Variants in ACTR3C observed in about 807,000 individuals in gnomAD.
ACTR3C encodes the protein actin related protein 3C, also known as actin-related protein 3C.
In ACTR3C, 18 loss-of-function variants were observed where a neutral mutation model predicts 26.3. That is an observed-to-expected ratio of 0.68 (90% CI 0.47 to 1.01). The LOEUF (loss-of-function observed/expected upper bound fraction) is 1.01. Among genes scored for constraint, ACTR3C ranks in the 50% least tolerant of loss-of-function variants. ACTR3C has a pLI of 0.00. For synonymous variants in ACTR3C, 55 were observed against 94.5 expected, an observed-to-expected ratio of 0.58 and a Z score of 2.42; for missense variants, 184 against 250.7, an observed-to-expected ratio of 0.73 and a Z score of 1.80.
At chr7:150,032,222 G>A in the ACTR3C span, among the ~76,000 whole-genome samples, 43 of 152,368 alleles carry the variant, frequency 2.8e-4, no homozygotes, top group African/African-American at 1.0e-3. Context: ...CCCATTTAGG[G>A]AGTTGAGACA....
At chr7:150,020,484 G>T in the ACTR3C span, among the ~76,000 whole-genome samples, 775 of 152,122 alleles carry the variant, frequency 5.1e-3, 3 homozygotes, top group Middle Eastern at 0.017. Flanking sequence ...TTAAGCACTG[G>T]AGACTGAGGG....
the ACTR3C span, among the ~76,000 whole-genome samples, chr7:150,003,900 T>C: frequency 6.6e-6 from 1 of 151,802 alleles, no homozygotes; most frequent in Non-Finnish European, 1.5e-5. Context: ...GTGTGGTGTG[T>C]GTGTGTGGTG....
the ACTR3C span, among the ~76,000 whole-genome samples, chr7:150,202,652 T>C: frequency 1.3e-5 from 2 of 152,188 alleles, no homozygotes; most frequent in Admixed American, 1.3e-4. Flanking sequence ...GAAAGGAAAA[T>C]ACAGGCACAC....
chr7:150,228,678 G>C, the ACTR3C span, among the ~76,000 whole-genome samples: 1 of 151,938 alleles, frequency 6.6e-6, no homozygotes, highest in East Asian at 1.9e-4. Flanking sequence ...CCCTGGCTTT[G>C]GTTCAGGCAG....
chr7:149,917,951 TC>T, the ACTR3C span, among the ~76,000 whole-genome samples: 4 of 152,034 alleles, frequency 2.6e-5, no homozygotes, highest in Non-Finnish European at 5.9e-5. Flanking sequence ...GTAAAATTGT[TC>T]CCAGACGCTA....
chr7:150,217,540 T>C, the ACTR3C span, among the ~76,000 whole-genome samples: 3 of 151,898 alleles, frequency 2.0e-5, no homozygotes, highest in Admixed American at 1.3e-4. Flanking sequence ...CAGTCTTATG[T>C]TGGTAGTTTA....
chr7:150,316,492 T>A (rs1314452664), intron 1 of ACTR3C, among the ~76,000 whole-genome samples: 7 of 147,044 alleles, frequency 4.8e-5, no homozygotes, highest in East Asian at 4.0e-4. Context: ...TATTTTTTTT[T>A]TTTTTTTTTT....
At chr7:150,024,100 C>A in the ACTR3C span, among the ~76,000 whole-genome samples, 1 of 150,946 alleles carries the variant, frequency 6.6e-6, no homozygotes, top group East Asian at 2.0e-4. Context: ...AAAGCAGTCA[C>A]GATCCCAGCG....
chr7:149,924,339 C>G, the ACTR3C span, among the ~76,000 whole-genome samples: 2 of 151,830 alleles, frequency 1.3e-5, no homozygotes, highest in East Asian at 4.0e-4. Context: ...CGCTCCATTG[C>G]ACTCCAGCCT....
At chr7:149,898,568 G>T in the ACTR3C span, among the ~76,000 whole-genome samples, 1 of 150,632 alleles carries the variant, frequency 6.6e-6, no homozygotes, top group African/African-American at 2.4e-5. Context: ...GCTGGGCATG[G>T]TGGTGCGCAC....
At chr7:150,082,938 T>TC in the ACTR3C span, among the ~76,000 whole-genome samples, 1 of 93,486 alleles carries the variant, frequency 1.1e-5, no homozygotes, top group Non-Finnish European at 2.1e-5. Flanking sequence ...TTTTTTCTTT[T>TC]TTTTTTTTCT....
chr7:150,041,628 G>A, the ACTR3C span, among the ~76,000 whole-genome samples: 1 of 124,666 alleles, frequency 8.0e-6, no homozygotes, highest in Non-Finnish European at 1.8e-5. Context: ...CTGCCTCGCG[G>A]GGGGTGCCTC....
the ACTR3C span, among the ~76,000 whole-genome samples, chr7:149,994,866 A>C: frequency 0.056 from 4,925 of 87,590 alleles, 238 homozygotes; most frequent in East Asian, 0.33. Flanking sequence ...TTTTTTTTTG[A>C]GATGGAGTAT....
the ACTR3C span, among the ~76,000 whole-genome samples, chr7:150,185,274 GGCGTGTGTGTGT>G: frequency 1.6e-3 from 204 of 124,222 alleles, no homozygotes; most frequent in Non-Finnish European, 2.4e-3. Flanking sequence ...TTAAATGTCA[GGCGTGTGTGTGT>G]GTGTGTGTGT....
intron 2 of ACTR3C, 87 bp downstream of exon 2, chr7:150,295,165 T>C (rs1338055390): frequency 6.7e-6 from 10 of 1,492,364 alleles, no homozygotes; most frequent in Non-Finnish European, 8.3e-6. Flanking sequence ...CAGCGCAGTC[T>C]TCCAGCGGAG....
the ACTR3C span, among the ~76,000 whole-genome samples, chr7:150,066,942 A>G: frequency 0.28 from 42,634 of 152,004 alleles, 5,940 homozygotes; most frequent in South Asian, 0.3. Context: ...TTGGGTTTCC[A>G]AATAAGAACT....
At chr7:150,075,486 C>T in the ACTR3C span, among the ~76,000 whole-genome samples, 3 of 151,688 alleles carry the variant, frequency 2.0e-5, no homozygotes, top group African/African-American at 4.9e-5. Flanking sequence ...CTAGAAAGCA[C>T]AAAGGAGGGA....
the ACTR3C span, among the ~76,000 whole-genome samples, chr7:150,091,987 CAAAAAAAAAAAA>C: frequency 4.1e-4 from 8 of 19,406 alleles, no homozygotes; most frequent in Admixed American, 1.2e-3. Context: ...GACTCCGTCT[CAAAAAAAAAAAA>C]AAAAAAAAAA....
chr7:150,121,266 A>G, the ACTR3C span, among the ~76,000 whole-genome samples: 8 of 152,238 alleles, frequency 5.3e-5, no homozygotes, highest in African/African-American at 1.7e-4. Flanking sequence ...AGCATATTCA[A>G]TTAGGAAGAG....
Sources: allele counts gnomAD v4.1 joint callset (sites outside exome capture counted in the v4.1 genomes callset), GRCh38; gene constraint gnomAD v4.1.1; transcripts MANE v1.5; gene names NCBI Gene and HGNC (gene_info 2026-07-23, HGNC 2026-07-21).